LPAR6: variants seen among roughly 807,000 people sequenced by gnomAD.
LPAR6 encodes the protein G-protein coupled purinergic receptor P2Y5.
In LPAR6, 17 loss-of-function variants were observed where a neutral mutation model predicts 22.0. That is an observed-to-expected ratio of 0.77 (90% CI 0.53 to 1.16). The LOEUF is 1.16. LPAR6 is among the 50% of genes most tolerant of loss of function. The pLI is 0.00. For synonymous variants in LPAR6, 136 were observed against 139.8 expected, an observed-to-expected ratio of 0.97 and a Z score of 0.19; for missense variants, 384 against 406.9, an observed-to-expected ratio of 0.94 and a Z score of 0.48.
chr13:48,419,599 C>G (rs531832608), intron 2 of LPAR6, among the ~76,000 whole-genome samples: 5 of 152,206 alleles, frequency 3.3e-5, no homozygotes, highest in East Asian at 1.9e-4. Flanking sequence ...AATCCAGGAG[C>G]TGGTTTTTTG....
Position 48,443,577 on chromosome 13 carries a change from A to G in LPAR6, c.-1474+976T>C, listed in dbSNP as rs1234101373. On this transcript the variant is annotated intron_variant, in intron 1 of 6. Coordinates refer to the LPAR6 transcript ENST00000378434. ...CATTCAAATAAAACCTTTTAAACTG[A>G]AAGTACTTTCATTCTTGTGTAAGGA... Among the ~76,000 whole-genome samples the G allele has an allele frequency of 2.0e-5, 3 of 152,224 alleles. No homozygotes were observed. In the East Asian group the frequency reaches 5.8e-4, roughly 29 times the overall value.
chr13:48,422,594 G>A (rs1166034015), intron 2 of LPAR6: 1 of 152,040 alleles, frequency 6.6e-6, no homozygotes, highest in Non-Finnish European at 1.5e-5. Flanking sequence ...GAAATATAGT[G>A]TATCAGCTTT....
intron 1 of LPAR6, chr13:48,439,627 C>G (rs1002077252): frequency 6.6e-6 from 1 of 152,066 alleles, no homozygotes; most frequent in Non-Finnish European, 1.5e-5. Flanking sequence ...CACTTTAGCC[C>G]AAATGCTGGG....
At chr13:48,441,267 G>C (rs566380106) in intron 1 of LPAR6, among the ~76,000 whole-genome samples, 1 of 152,174 alleles carries the variant, frequency 6.6e-6, no homozygotes, top group East Asian at 1.9e-4. Flanking sequence ...CTTTTATAAG[G>C]GTACTAATCA....
intron 1 of LPAR6, among the ~76,000 whole-genome samples, chr13:48,396,988 G>T (rs183295281): frequency 6.6e-6 from 1 of 152,158 alleles, no homozygotes; most frequent in African/African-American, 2.4e-5. Context: ...TAAAAAGTCA[G>T]GAAACAACAG....
chr13:48,423,301 G>C (rs1420948544), intron 1 of LPAR6, among the ~76,000 whole-genome samples: 1 of 152,140 alleles, frequency 6.6e-6, no homozygotes, highest in Non-Finnish European at 1.5e-5. Flanking sequence ...TTGAGACGGA[G>C]TCTTGCTCTG....
chr13:48,398,233 T>A (rs993996874), intron 1 of LPAR6, among the ~76,000 whole-genome samples: 5 of 152,118 alleles, frequency 3.3e-5, no homozygotes, highest in Middle Eastern at 3.2e-3. Flanking sequence ...ATTTTAATTT[T>A]AAAAAATTCA....
At position 48,425,629 on chromosome 13, in the gene LPAR6, G is replaced by C. The variant is rs563209221; in HGVS notation, c.-1095+1230C>G. 1.1e-4 allele frequency among the ~76,000 whole-genome samples: 16 copies of C among 152,176 alleles called. No homozygotes were observed. In the South Asian group the frequency reaches 2.1e-3, roughly 20 times the overall value. The stretch of plus-strand genomic sequence containing the variant: ...CCTACTCAGGAGGCAGAGGTAGGAG[G>C]ATCTCTTGAGCCCAGGAATTCCAGT... On this transcript the variant is annotated intron_variant, in intron 1 of 4. Coordinates refer to the LPAR6 transcript ENST00000345941.
chr13:48,397,461 T>C (rs1240363637), intron 1 of LPAR6, among the ~76,000 whole-genome samples: 1 of 151,842 alleles, frequency 6.6e-6, no homozygotes, highest in Non-Finnish European at 1.5e-5. Context: ...CATGGACACA[T>C]GGAGGGGAAC....
intron 1 of LPAR6, among the ~76,000 whole-genome samples, chr13:48,433,157 C>T (rs1259949791): frequency 6.6e-6 from 1 of 151,820 alleles, no homozygotes; most frequent in East Asian, 1.9e-4. Flanking sequence ...GCTACTAAAC[C>T]TCAGTATTAT....
intron 1 of LPAR6, among the ~76,000 whole-genome samples, chr13:48,390,518 A>T (rs554900971): frequency 1.3e-5 from 2 of 152,302 alleles, no homozygotes; most frequent in South Asian, 4.1e-4. Flanking sequence ...GGGAGTAACC[A>T]GGAGACAAGT....
chr13:48,444,398 T>C (rs1295523270), intron 1 of LPAR6, among the ~76,000 whole-genome samples: 2 of 152,036 alleles, frequency 1.3e-5, no homozygotes, highest in Admixed American at 1.3e-4. Context: ...GCCCCTGTAG[T>C]CCCAGCTACT....
intron 2 of LPAR6, among the ~76,000 whole-genome samples, chr13:48,420,826 A>G (rs1226223196): frequency 6.6e-6 from 1 of 152,176 alleles, no homozygotes; most frequent in Non-Finnish European, 1.5e-5. Context: ...CATACAACAC[A>G]CAAGGGATGT....
chr13:48,412,133 A>G lies in LPAR6; in HGVS notation c.291T>C (p.Tyr97=), dbSNP rs1397894445. ...ACAGAATGCTTCCGTACATGTTGGT[A>G]TAAAACAGCATCACAGAAATCTTAC... ...LLCKISVMLF[Y]TNMYGSILFL... The change falls in exon 1 of 1, where the codon TAT becomes TAC. Residue 97 remains tyrosine, a synonymous_variant. Transcript: ENST00000620633. The G allele has an allele frequency of 2.5e-6, 4 of 1,613,888 alleles. No homozygotes were observed. The highest frequency in any genetic ancestry group is 1.7e-5 in the Admixed American group (1 of 59,998).
Position 48,411,882 on chromosome 13 carries a change from A to G in LPAR6, c.542T>C (p.Leu181Pro). 1.2e-6 allele frequency: 2 copies of G among 1,613,722 alleles called. No homozygotes were observed. The highest frequency in any genetic ancestry group is 1.7e-6 in the Non-Finnish European group (2 of 1,179,840). Residue 181 changes from leucine to proline, a missense_variant, in exon 1 of 1, where the codon CTC becomes CCC. Coordinates refer to ENST00000620633, the MANE Select transcript of LPAR6 (RefSeq NM_001162498.3). ...TTCGATGAAAATTACAATCCTTGAG[A>G]GATATGTTTTCCATGTGGCTTCTGG... ...NFPEATWKTYLSRIVIFIEIV... is the reference protein window; with the variant it reads ...NFPEATWKTYPSRIVIFIEIV...
At chr13:48,400,367 A>T (rs528889560) in intron 1 of LPAR6, among the ~76,000 whole-genome samples, 3 of 152,262 alleles carry the variant, frequency 2.0e-5, no homozygotes, top group African/African-American at 4.8e-5. Flanking sequence ...CTGGTTGGTG[A>T]CAGAGCCAGA....
At chr13:48,407,959 A>G (rs369733669), downstream of LPAR6, among the ~76,000 whole-genome samples, 1 of 152,160 alleles carries the variant, frequency 6.6e-6, no homozygotes, top group South Asian at 2.1e-4. Context: ...AATTTAATAT[A>G]TTGACAAAGG....
intron 1 of LPAR6, among the ~76,000 whole-genome samples, chr13:48,400,065 G>T (rs1948678778): frequency 6.6e-6 from 1 of 152,014 alleles, no homozygotes; most frequent in South Asian, 2.1e-4. Flanking sequence ...AACAACTCAG[G>T]AATGTCCTGT....
intron 2 of LPAR6, among the ~76,000 whole-genome samples, chr13:48,420,171 C>G (rs1389701411): frequency 1.3e-5 from 2 of 152,146 alleles, no homozygotes; most frequent in South Asian, 4.1e-4. Flanking sequence ...CATAGCACAT[C>G]AAAAAGCTTA....
Sources: gnomAD v4.1 joint callset for allele counts (sites outside exome capture counted in the v4.1 genomes callset) on GRCh38, gnomAD v4.1.1 for gene constraint, MANE v1.5 for transcripts, NCBI Gene and HGNC (gene_info 2026-07-23, HGNC 2026-07-21) for gene names.